Variants in GABRA1 observed in about 807,000 individuals in gnomAD.
GABRA1 encodes gamma-aminobutyric acid type A receptor subunit alpha1.
Under a neutral mutation model 48.9 loss-of-function variants are expected in GABRA1, and 9 were observed. The ratio of observed to expected loss-of-function variants is 0.18; its 90% CI spans 0.11 to 0.32. The LOEUF (loss-of-function observed/expected upper bound fraction) is 0.32, where lower values mean the gene tolerates loss of function less well. Among genes scored for constraint, GABRA1 ranks in the 10% least tolerant of loss-of-function variants. The probability of loss-of-function intolerance (pLI) is 1.00; values close to 1 mark genes in which losing one functional copy is unlikely to be tolerated. For synonymous variants in GABRA1, 210 were observed against 198.7 expected (o/e 1.06, Z -0.48); for missense variants, 285 against 553.8 (o/e 0.51, Z 4.87).
intron 4 of GABRA1, among the ~76,000 whole-genome samples, chr5:161,871,910 C>G (rs1754137555): frequency 6.6e-6 from 1 of 152,146 alleles, no homozygotes; most frequent in Admixed American, 6.6e-5. Context: ...TCAGTAATGC[C>G]AAACATGTGC....
At chr5:161,853,413 C>A (rs1757527267) in intron 2 of GABRA1, among the ~76,000 whole-genome samples, 1 of 151,858 alleles carries the variant, frequency 6.6e-6, no homozygotes, top group South Asian at 2.1e-4. Context: ...GGTTTGCTCA[C>A]AAATAGGTGT....
At chr5:161,858,911 T>C (rs1312151379) in intron 3 of GABRA1, among the ~76,000 whole-genome samples, 1 of 151,726 alleles carries the variant, frequency 6.6e-6, no homozygotes, top group East Asian at 1.9e-4. Flanking sequence ...ACCACATAGA[T>C]AAAGACAGCA....
intron 6 of GABRA1, 104 bp from the exon 7 acceptor site, chr5:161,882,454 C>T (rs188676424): frequency 2.7e-6 from 3 of 1,123,066 alleles, no homozygotes; most frequent in African/African-American, 3.1e-5. Context: ...AGCCTGCCCT[C>T]TGGAACCATG....
intron 3 of GABRA1, among the ~76,000 whole-genome samples, chr5:161,854,899 C>T (rs1757588517): frequency 6.6e-6 from 1 of 151,314 alleles, no homozygotes; most frequent in South Asian, 2.1e-4. Context: ...ATATATATAA[C>T]AATAAGAGTA....
chr5:161,895,906 A>G, intron 9 of GABRA1, 38 bp downstream of exon 9: 11 of 1,530,984 alleles, frequency 7.2e-6, no homozygotes, highest in Non-Finnish European at 1.0e-5. Context: ...CATCAATATT[A>G]TGTCTCTTTA....
intron 6 of GABRA1, among the ~76,000 whole-genome samples, chr5:161,879,851 AT>A (rs934952355): frequency 1.3e-4 from 20 of 152,268 alleles, no homozygotes; most frequent in Admixed American, 1.2e-3. Context: ...ATGGTAACAC[AT>A]TTTTCCCCCT....
chr5:161,880,041 G>C (rs1165894755), intron 6 of GABRA1, among the ~76,000 whole-genome samples: 2 of 152,146 alleles, frequency 1.3e-5, no homozygotes, highest in Non-Finnish European at 2.9e-5. Flanking sequence ...TCTTTGCTTG[G>C]CTTATGCAAA....
At chr5:161,885,891 T>C (rs1754823154) in intron 7 of GABRA1, among the ~76,000 whole-genome samples, 1 of 152,146 alleles carries the variant, frequency 6.6e-6, no homozygotes, top group Admixed American at 6.6e-5. Flanking sequence ...CACTTGTTCA[T>C]TTACTGTGTC....
intron 6 of GABRA1, among the ~76,000 whole-genome samples, chr5:161,878,013 A>G (rs1481276331): frequency 6.6e-6 from 1 of 152,144 alleles, no homozygotes; most frequent in African/African-American, 2.4e-5. Context: ...AGCAATGATG[A>G]TTCATTTTAT....
chr5:161,879,397 C>G (rs541160486), intron 6 of GABRA1, among the ~76,000 whole-genome samples: 1 of 152,298 alleles, frequency 6.6e-6, no homozygotes, highest in African/African-American at 2.4e-5. Context: ...CAGAAATAAG[C>G]CACCGTGCCC....
intron 6 of GABRA1, among the ~76,000 whole-genome samples, chr5:161,876,039 A>T (rs1189039671): frequency 6.6e-6 from 1 of 152,158 alleles, no homozygotes; most frequent in Non-Finnish European, 1.5e-5. Flanking sequence ...TTCGTTTACC[A>T]GATTAAAGTG....
At chr5:161,892,299 A>T (rs1461682606) in intron 8 of GABRA1, among the ~76,000 whole-genome samples, 1 of 152,218 alleles carries the variant, frequency 6.6e-6, no homozygotes, top group African/African-American at 2.4e-5. Flanking sequence ...TATAGTCTAA[A>T]CTGAGGATTA....
intron 1 of GABRA1, among the ~76,000 whole-genome samples, chr5:161,849,324 C>T (rs529243322): frequency 6.0e-4 from 91 of 152,152 alleles, no homozygotes; most frequent in Admixed American, 2.1e-3. Context: ...TTGTTTTTCC[C>T]TTGTAACAAA....
At chr5:161,865,590 A>G (rs1176863324) in intron 3 of GABRA1, 131 bp from the exon 4 acceptor site, 5 of 793,788 alleles carry the variant, frequency 6.3e-6, no homozygotes, top group Non-Finnish European at 1.1e-5. Context: ...TATCAGGACT[A>G]CACAGTGGAC....
rs1439911967 is a variant in GABRA1 at position 161,850,412 on chromosome 5, A to C, written c.-15-384A>C. ...GCTTAAAAATTTTAATGCACAGTTC[A>C]CTGTGGAAACTGAAATCTTAAAAGT... On this transcript the variant is annotated intron_variant, in intron 1 of 9. Coordinates refer to ENST00000393943, the MANE Select transcript of GABRA1 (RefSeq NM_001127644.2). 6.8e-6 allele frequency: 3 copies of C among 440,012 alleles called. No homozygotes were observed. The East Asian group carries it at 1.0e-4, about 15-fold the overall frequency. The allele number at this position is 440,012 out of a possible 1,614,324, so 27.3% of individuals were successfully genotyped here.
chr5:161,863,533 G>A (rs779253633), intron 3 of GABRA1, among the ~76,000 whole-genome samples: 3 of 151,962 alleles, frequency 2.0e-5, no homozygotes, highest in Non-Finnish European at 4.4e-5. Flanking sequence ...TATCACCAAG[G>A]AGATGGCCCA....
At chr5:161,873,068 T>C (rs773526232) in intron 4 of GABRA1, 49 bp from the exon 5 acceptor site, 2 of 1,408,806 alleles carry the variant, frequency 1.4e-6, no homozygotes, top group South Asian at 1.2e-5. Flanking sequence ...ATATTTGCAT[T>C]GCAAAATACA....
chr5:161,892,576 G>A (rs1013784357), intron 8 of GABRA1, among the ~76,000 whole-genome samples: 1 of 152,096 alleles, frequency 6.6e-6, no homozygotes, highest in African/African-American at 2.4e-5. Flanking sequence ...CCATTACCAC[G>A]TGTCGATATT....
Position 161,897,697 on chromosome 5 carries a change from C to A in GABRA1, c.*275C>A. The A allele has an allele frequency of 2.7e-6, 1 of 370,880 alleles. No homozygotes were observed. The highest frequency in any genetic ancestry group is 4.8e-6 in the Non-Finnish European group (1 of 207,230). 23.0% of individuals were successfully genotyped at this position (370,880 alleles called of 1,614,324 possible). Reference sequence around the variant, plus strand: ...GAGAGAAAAGAGGGGGAAGATGGTTCAAAGATACAAGAAAAAGTAGAAAAA... The same window carrying A: ...GAGAGAAAAGAGGGGGAAGATGGTTAAAAGATACAAGAAAAAGTAGAAAAA... On this transcript the variant is annotated 3_prime_UTR_variant, in exon 10 of 10. Coordinates refer to ENST00000393943, the MANE Select transcript of GABRA1 (RefSeq NM_001127644.2).
Sources: allele counts gnomAD v4.1 joint callset (sites outside exome capture counted in the v4.1 genomes callset), GRCh38; gene constraint gnomAD v4.1.1; transcripts MANE v1.5; gene names NCBI Gene and HGNC (gene_info 2026-07-23, HGNC 2026-07-21).